The following GALNTL6 variants were observed in gnomAD, a reference collection of about 807,000 sequenced individuals.
The protein encoded by GALNTL6 is polypeptide N-acetylgalactosaminyltransferase-like 6.
In GALNTL6, 46 loss-of-function variants were observed where a neutral mutation model predicts 73.7. The observed-to-expected ratio is 0.62, with a 90% CI of 0.49 to 0.80. The LOEUF is 0.80. Ranked by LOEUF, GALNTL6 falls within the 30% of genes least tolerant of loss-of-function variation. GALNTL6 has a pLI of 0.00. For missense variants in GALNTL6, 604 were observed against 755.0 expected (o/e 0.80, Z 2.34); for synonymous variants, 259 against 263.7 (o/e 0.98, Z 0.17).
At chr4:171,980,619 C>T (rs1470114039) in intron 2 of GALNTL6, among the ~76,000 whole-genome samples, 1 of 152,148 alleles carries the variant, frequency 6.6e-6, no homozygotes, top group African/African-American at 2.4e-5. Flanking sequence ...AAGAAGGCGA[C>T]ATCAAACTTC....
chr4:172,703,540 A>G (rs1286779478), intron 5 of GALNTL6, among the ~76,000 whole-genome samples: 3 of 151,970 alleles, frequency 2.0e-5, no homozygotes, highest in East Asian at 1.9e-4. Context: ...CCTGGAATAA[A>G]TTTTGCTTGA....
intron 2 of GALNTL6, among the ~76,000 whole-genome samples, chr4:171,852,891 G>A (rs145700658): frequency 0.012 from 1,807 of 152,162 alleles, 39 homozygotes; most frequent in African/African-American, 0.041. Context: ...CTGTCGCCCA[G>A]GCTGGAATGC....
intron 2 of GALNTL6, among the ~76,000 whole-genome samples, chr4:171,951,576 T>C (rs1738878718): frequency 6.8e-6 from 1 of 147,460 alleles, no homozygotes; most frequent in African/African-American, 2.5e-5. Context: ...CATTGTGCAC[T>C]CACATACACA....
chr4:172,338,105 T>C (rs1412852396), intron 4 of GALNTL6, among the ~76,000 whole-genome samples: 1 of 152,198 alleles, frequency 6.6e-6, no homozygotes, highest in Non-Finnish European at 1.5e-5. Flanking sequence ...ACTAAGTGAA[T>C]TTTTTAATTC....
chr4:172,663,009 A>T (rs1204650441), intron 5 of GALNTL6, among the ~76,000 whole-genome samples: 2 of 152,220 alleles, frequency 1.3e-5, no homozygotes, highest in African/African-American at 4.8e-5. Context: ...GAGAAGAAGT[A>T]CAATGGCCCG....
intron 5 of GALNTL6, among the ~76,000 whole-genome samples, chr4:172,588,626 T>A (rs926919670): frequency 9.2e-5 from 14 of 151,852 alleles, no homozygotes; most frequent in African/African-American, 3.4e-4. Context: ...ACTAAGAACA[T>A]CTTGGTTTTG....
chr4:172,859,834 G>T (rs1245970902), intron 7 of GALNTL6, among the ~76,000 whole-genome samples: 1 of 152,058 alleles, frequency 6.6e-6, no homozygotes, highest in Non-Finnish European at 1.5e-5. Flanking sequence ...CACATTGAGG[G>T]ATCTAGGTTG....
At chr4:172,882,057 C>T (rs1048089909) in intron 7 of GALNTL6, among the ~76,000 whole-genome samples, 3 of 151,594 alleles carry the variant, frequency 2.0e-5, no homozygotes, top group Admixed American at 1.3e-4. Flanking sequence ...CACCTTTGAA[C>T]TGCAAAAATA....
intron 7 of GALNTL6, among the ~76,000 whole-genome samples, chr4:172,863,246 C>T (rs1744491272): frequency 6.6e-6 from 1 of 152,190 alleles, no homozygotes; most frequent in African/African-American, 2.4e-5. Flanking sequence ...GGGGCACTAC[C>T]TAGTGGAGCT....
chr4:172,848,964 A>G (rs750268889), intron 7 of GALNTL6, among the ~76,000 whole-genome samples: 1 of 152,298 alleles, frequency 6.6e-6, no homozygotes, highest in East Asian at 1.9e-4. Context: ...AATCTTCATC[A>G]TTAAAATGGT....
chr4:172,766,931 A>G (rs1429384625), intron 5 of GALNTL6, among the ~76,000 whole-genome samples: 1 of 152,200 alleles, frequency 6.6e-6, no homozygotes, highest in Admixed American at 6.5e-5. Flanking sequence ...CATTGGTAGA[A>G]GCACCATTCT....
intron 5 of GALNTL6, among the ~76,000 whole-genome samples, chr4:172,516,037 A>C (rs1278560824): frequency 6.6e-6 from 1 of 152,210 alleles, no homozygotes; most frequent in African/African-American, 2.4e-5. Context: ...TGATAAATTC[A>C]TGAGGACAAA....
At chr4:172,271,769 C>T (rs2111058956) in intron 3 of GALNTL6, among the ~76,000 whole-genome samples, 1 of 151,930 alleles carries the variant, frequency 6.6e-6, no homozygotes, top group South Asian at 2.1e-4. Flanking sequence ...TAGCCATACA[C>T]ACATACAGAG....
At chr4:172,490,907 A>G (rs917048086) in intron 5 of GALNTL6, among the ~76,000 whole-genome samples, 3 of 152,114 alleles carry the variant, frequency 2.0e-5, no homozygotes, top group Non-Finnish European at 4.4e-5. Flanking sequence ...TTATTCATTT[A>G]TAAGTATTTA....
chr4:171,969,213 A>C (rs1739488785), intron 2 of GALNTL6, among the ~76,000 whole-genome samples: 1 of 152,096 alleles, frequency 6.6e-6, no homozygotes, highest in African/African-American at 2.4e-5. Context: ...CTCTGGTCCT[A>C]GGTTAAACAT....
At chr4:171,851,471 A>G (rs903143008) in intron 2 of GALNTL6, among the ~76,000 whole-genome samples, 6 of 152,190 alleles carry the variant, frequency 3.9e-5, no homozygotes, top group African/African-American at 1.4e-4. Context: ...AGACTGTTAT[A>G]TATTATGTTT....
chr4:172,842,501 A>G (rs547305361), intron 7 of GALNTL6, among the ~76,000 whole-genome samples: 67 of 152,262 alleles, frequency 4.4e-4, no homozygotes, highest in African/African-American at 1.6e-3. Context: ...AATGCACCAC[A>G]TTTTATGTTT....
chr4:172,922,767 A>T (rs1413644504), intron 8 of GALNTL6, among the ~76,000 whole-genome samples: 1 of 152,258 alleles, frequency 6.6e-6, no homozygotes, highest in Non-Finnish European at 1.5e-5. Context: ...GAACCCTTCA[A>T]CAGTAGCTGG....
chr4:172,590,860 T>C (rs1183945841), intron 5 of GALNTL6, among the ~76,000 whole-genome samples: 1 of 152,158 alleles, frequency 6.6e-6, no homozygotes, highest in Non-Finnish European at 1.5e-5. Context: ...TAAATGATAT[T>C]AGATCCAATA....
Sources: allele counts gnomAD v4.1 joint callset (sites outside exome capture counted in the v4.1 genomes callset), GRCh38; gene constraint gnomAD v4.1.1; transcripts MANE v1.5; gene names NCBI Gene and HGNC (gene_info 2026-07-23, HGNC 2026-07-21).